Variants in SNX29 observed in about 807,000 individuals in gnomAD.
SNX29 encodes sorting nexin 29, also known as sorting nexin-29.
SNX29 carries 78 observed loss-of-function variants against 102.1 expected under a neutral mutation model. That is an observed-to-expected ratio of 0.76 (90% confidence interval 0.64 to 0.92). SNX29 has a LOEUF of 0.92. Ranked by LOEUF, SNX29 falls within the 40% of genes least tolerant of loss-of-function variation. The probability of loss-of-function intolerance (pLI) is 0.00; values close to 1 mark genes in which losing one functional copy is unlikely to be tolerated. For synonymous variants in SNX29, 580 were observed against 414.5 expected, an observed-to-expected ratio of 1.40 and a Z score of -4.85; for missense variants, 1,280 against 1,061.7, an observed-to-expected ratio of 1.21 and a Z score of -2.86.
intron 13 of SNX29, among the ~76,000 whole-genome samples, chr16:12,179,666 C>T (rs2076338823): frequency 6.6e-6 from 1 of 152,126 alleles, no homozygotes; most frequent in Non-Finnish European, 1.5e-5. Context: ...TGTTGCTAGT[C>T]GTTTAGGTTA....
intron 1 of SNX29, chr16:11,983,622 A>T: frequency 1.0e-6 from 1 of 985,176 alleles, no homozygotes; most frequent in Non-Finnish European, 1.2e-6. Context: ...ACCATCAGCA[A>T]ACAGTTGACC....
chr16:12,263,076 A>G (rs1379120864), intron 14 of SNX29, among the ~76,000 whole-genome samples: 1 of 151,942 alleles, frequency 6.6e-6, no homozygotes, highest in Non-Finnish European at 1.5e-5. Context: ...CTCCAGTGAA[A>G]TATTAACTGA....
intron 14 of SNX29, among the ~76,000 whole-genome samples, chr16:12,214,285 C>T (rs764119260): frequency 1.3e-5 from 2 of 152,186 alleles, no homozygotes; most frequent in Admixed American, 6.5e-5. Context: ...TGCCTCAGCT[C>T]CCTCCTCGGA....
At chr16:12,028,768 G>C (rs544302336) in intron 4 of SNX29, among the ~76,000 whole-genome samples, 4 of 151,978 alleles carry the variant, frequency 2.6e-5, no homozygotes, top group African/African-American at 7.2e-5. Flanking sequence ...TTTTTATTGA[G>C]ATGGAGTCTT....
At chr16:12,048,705 A>T (rs2050188121) in intron 7 of SNX29, 85 bp downstream of exon 7, 6 of 1,609,446 alleles carry the variant, frequency 3.7e-6, no homozygotes, top group African/African-American at 1.3e-5. Flanking sequence ...TCTGAAAGTC[A>T]TTCCAAGGGG....
chr16:12,087,960 G>T (rs1464812758), intron 11 of SNX29: 1 of 456,766 alleles, frequency 2.2e-6, no homozygotes, highest in Non-Finnish European at 4.4e-6. Context: ...CTGTTGGGCA[G>T]TGGGTCCTCA....
chr16:12,553,265 C>T (rs765464680), intron 20 of SNX29, among the ~76,000 whole-genome samples: 6 of 152,324 alleles, frequency 3.9e-5, no homozygotes, highest in South Asian at 2.1e-4. Flanking sequence ...AGACCACTGC[C>T]GCCTAGGGGC....
intron 20 of SNX29, among the ~76,000 whole-genome samples, chr16:12,544,154 T>C (rs2077475908): frequency 2.6e-5 from 4 of 152,222 alleles, no homozygotes; most frequent in Admixed American, 2.0e-4. Context: ...GCATCATTCC[T>C]AAGAACACGG....
chr16:12,466,387 T>A (rs1325515852), intron 18 of SNX29, among the ~76,000 whole-genome samples: 1 of 152,204 alleles, frequency 6.6e-6, no homozygotes, highest in Non-Finnish European at 1.5e-5. Flanking sequence ...AACACAAATT[T>A]AGAAAAGTCC....
chr16:12,236,676 T>A (rs830735), intron 14 of SNX29, among the ~76,000 whole-genome samples: 65,329 of 152,124 alleles, frequency 0.43, 16,024 homozygotes, highest in Non-Finnish European at 0.57. Flanking sequence ...TACCACTGAT[T>A]GAAGACTCCC....
rs115645800 is a variant in SNX29, at chr16:12,542,157, C to T, written c.2318+17316C>T. 2.7e-3 allele frequency among the ~76,000 whole-genome samples: 418 copies of T among 152,282 alleles called. 3 individuals carry two copies. Among genetic ancestry groups the T allele is most frequent in the African/African-American group, 9.0e-3 (374 of 41,570 alleles). ...AATTCAGCCCACGCTACCTGGGCTC[C>T]TGCTGGGTGTCAGGCCCTGTGCTAA... On this transcript the variant is annotated intron_variant, in intron 20 of 20. Transcript: ENST00000566228.
intron 13 of SNX29, among the ~76,000 whole-genome samples, chr16:12,178,136 C>G (rs2076301834): frequency 6.6e-6 from 1 of 152,096 alleles, no homozygotes; most frequent in South Asian, 2.1e-4. Flanking sequence ...CAGGAAATGC[C>G]AGGCTGGAGG....
At chr16:12,002,438 C>G (rs1345717561) in intron 2 of SNX29, among the ~76,000 whole-genome samples, 2 of 147,652 alleles carry the variant, frequency 1.4e-5, no homozygotes, top group Non-Finnish European at 3.0e-5. Context: ...AAGAGTGAAA[C>G]TCCATCTCAA....
intron 19 of SNX29, among the ~76,000 whole-genome samples, chr16:12,499,364 G>A (rs1378264179): frequency 6.6e-6 from 1 of 152,226 alleles, no homozygotes; most frequent in African/African-American, 2.4e-5. Context: ...AGTTCCAGGT[G>A]ACTGACGGGG....
At chr16:12,426,528 C>T (rs1444327814) in intron 18 of SNX29, among the ~76,000 whole-genome samples, 2 of 152,104 alleles carry the variant, frequency 1.3e-5, no homozygotes, top group East Asian at 3.8e-4. Context: ...TGTGCCTTCA[C>T]AAGTAATACT....
intron 13 of SNX29, among the ~76,000 whole-genome samples, chr16:12,194,942 C>A (rs575171168): frequency 6.6e-6 from 1 of 152,156 alleles, no homozygotes; most frequent in Admixed American, 6.5e-5. Flanking sequence ...GTATTTCTAA[C>A]CTCTTCATAC....
chr16:11,982,632 T>C (rs1022249085), intron 1 of SNX29, among the ~76,000 whole-genome samples: 2 of 152,094 alleles, frequency 1.3e-5, no homozygotes, highest in East Asian at 3.9e-4. Context: ...GGTTTCACCA[T>C]GTTAGCCAGG....
At chr16:12,333,610 G>A (rs1428226734) in intron 15 of SNX29, among the ~76,000 whole-genome samples, 1 of 152,090 alleles carries the variant, frequency 6.6e-6, no homozygotes, top group Non-Finnish European at 1.5e-5. Context: ...TCTAGGTGTT[G>A]GGCTTGTAGC....
At chr16:12,160,760 C>A (rs1267314458) in intron 13 of SNX29, among the ~76,000 whole-genome samples, 5 of 152,162 alleles carry the variant, frequency 3.3e-5, no homozygotes, top group African/African-American at 1.2e-4. Context: ...AAAATAAAAT[C>A]AAGTGTTAAT....
Sources: allele counts gnomAD v4.1 joint callset (sites outside exome capture counted in the v4.1 genomes callset), GRCh38; gene constraint gnomAD v4.1.1; transcripts MANE v1.5; gene names NCBI Gene and HGNC (gene_info 2026-07-23, HGNC 2026-07-21).